KIAA1328: variants seen among roughly 807,000 people sequenced by gnomAD.
The protein encoded by KIAA1328 is protein hinderin.
A neutral mutation model predicts 68.1 loss-of-function variants in KIAA1328; 52 were observed. The ratio of observed to expected loss-of-function variants is 0.76; its 90% CI spans 0.61 to 0.96. The LOEUF (loss-of-function observed/expected upper bound fraction) is 0.96, where lower values mean the gene tolerates loss of function less well. Ranked by LOEUF, KIAA1328 falls within the 40% of genes least tolerant of loss-of-function variation. The pLI is 0.00. For missense variants in KIAA1328, 641 were observed against 677.6 expected (o/e 0.95, Z 0.60); for synonymous variants, 232 against 239.4 (o/e 0.97, Z 0.28).
At chr18:37,166,258 T>G (rs1319014298) in intron 8 of KIAA1328, among the ~76,000 whole-genome samples, 2 of 152,156 alleles carry the variant, frequency 1.3e-5, no homozygotes, top group African/African-American at 4.8e-5. Flanking sequence ...AAACCAATTC[T>G]TAGCCAGGAG....
chr18:37,060,169 TAATA>T (rs2056092504), intron 6 of KIAA1328, among the ~76,000 whole-genome samples: 1 of 152,146 alleles, frequency 6.6e-6, no homozygotes, highest in Admixed American at 6.5e-5. Flanking sequence ...ATAATAATAA[TAATA>T]AATAGCCTAT....
At chr18:36,858,945 A>AT (rs1353279635) in intron 4 of KIAA1328, among the ~76,000 whole-genome samples, 2 of 152,170 alleles carry the variant, frequency 1.3e-5, no homozygotes, top group Admixed American at 1.3e-4. Flanking sequence ...AATAGATTTA[A>AT]TTTTTTATAT....
intron 2 of KIAA1328, among the ~76,000 whole-genome samples, chr18:36,835,020 TA>T (rs1267617011): frequency 1.3e-5 from 2 of 152,086 alleles, no homozygotes; most frequent in South Asian, 4.1e-4. Context: ...AAAATAAATA[TA>T]AAAACAAATT....
intron 7 of KIAA1328, among the ~76,000 whole-genome samples, chr18:37,101,447 C>T (rs916917791): frequency 5.9e-5 from 9 of 151,952 alleles, no homozygotes; most frequent in East Asian, 1.9e-4. Context: ...TGAAATGAAG[C>T]GAGAAGAGAA....
At chr18:36,944,186 C>T (rs974865523) in intron 5 of KIAA1328, among the ~76,000 whole-genome samples, 1 of 152,164 alleles carries the variant, frequency 6.6e-6, no homozygotes, top group Non-Finnish European at 1.5e-5. Flanking sequence ...AATGGGACTG[C>T]TGTAGAACCT....
In KIAA1328 at chr18:37,156,362, G is replaced by T. The variant is rs148819749; in HGVS notation, c.1233-3838G>T. On this transcript the variant is annotated intron_variant, in intron 7 of 9. Transcript: ENST00000280020. Reference sequence around the variant, plus strand: ...AACCGCTTGAACCCGGGAGGCAGAGGTTGTGGTGAGCCGAGATTGTGCCAT... The same window carrying T: ...AACCGCTTGAACCCGGGAGGCAGAGTTTGTGGTGAGCCGAGATTGTGCCAT... 3.5e-3 allele frequency among the ~76,000 whole-genome samples: 519 copies of T among 147,984 alleles called. 3 individuals are homozygous for T. The highest frequency in any genetic ancestry group is 0.012 in the African/African-American group (487 of 40,180).
At chr18:37,229,050 G>A (rs2060653229), downstream of KIAA1328, among the ~76,000 whole-genome samples, 1 of 152,160 alleles carries the variant, frequency 6.6e-6, no homozygotes, top group African/African-American at 2.4e-5. Flanking sequence ...ATGCTTTATA[G>A]TGGCGATCTG....
chr18:36,876,471 T>G (rs1284486980), intron 4 of KIAA1328, among the ~76,000 whole-genome samples: 1 of 152,224 alleles, frequency 6.6e-6, no homozygotes, highest in East Asian at 1.9e-4. Context: ...TAGAGGTGTT[T>G]ATAGTATTCT....
At chr18:36,987,643 G>A (rs950380613) in intron 6 of KIAA1328, among the ~76,000 whole-genome samples, 2 of 152,050 alleles carry the variant, frequency 1.3e-5, no homozygotes, top group Non-Finnish European at 2.9e-5. Flanking sequence ...ACAGATTCAG[G>A]AATAGTGGAG....
chr18:37,101,634 A>G (rs886779728), intron 7 of KIAA1328, among the ~76,000 whole-genome samples: 3 of 152,236 alleles, frequency 2.0e-5, no homozygotes, highest in Non-Finnish European at 4.4e-5. Flanking sequence ...CTAGCAAGGC[A>G]GGCCAACATT....
chr18:37,152,629 T>C (rs1046446829), intron 7 of KIAA1328, among the ~76,000 whole-genome samples: 6 of 152,266 alleles, frequency 3.9e-5, no homozygotes, highest in East Asian at 1.9e-4. Flanking sequence ...CAGTGGCGCG[T>C]TGGCAGAAGC....
intron 6 of KIAA1328, among the ~76,000 whole-genome samples, chr18:37,043,125 A>G (rs1301594521): frequency 6.6e-6 from 1 of 152,082 alleles, no homozygotes; most frequent in East Asian, 1.9e-4. Context: ...GAGATTGTCT[A>G]TTTGTTGCCA....
At chr18:36,915,041 C>A (rs1406784446) in intron 5 of KIAA1328, among the ~76,000 whole-genome samples, 1 of 152,132 alleles carries the variant, frequency 6.6e-6, no homozygotes, top group East Asian at 1.9e-4. Flanking sequence ...CAAGATGATT[C>A]TAAAATCTTT....
At chr18:37,142,189 T>A (rs2058779804) in intron 7 of KIAA1328, among the ~76,000 whole-genome samples, 1 of 151,540 alleles carries the variant, frequency 6.6e-6, no homozygotes, top group East Asian at 1.9e-4. Flanking sequence ...ATTCTTTTTC[T>A]TTTTTGTTTT....
chr18:37,173,592 A>G lies in KIAA1328; in HGVS notation c.1523+511A>G, dbSNP rs371915211. On this transcript the variant is annotated intron_variant, in intron 9 of 9. Coordinates refer to ENST00000280020, the MANE Select transcript of KIAA1328 (RefSeq NM_020776.3). Reference sequence around the variant, plus strand: ...AATGAACCAACTCCCACATTATGCAATTAAGGCTGAATATGTAAACGTCAG... The same window carrying G: ...AATGAACCAACTCCCACATTATGCAGTTAAGGCTGAATATGTAAACGTCAG... Among the ~76,000 whole-genome samples the G allele has an allele frequency of 2.0e-5, 3 of 152,300 alleles. No homozygotes were observed. In the East Asian group the frequency reaches 5.8e-4, roughly 29 times the overall value.
At chr18:36,920,082 T>C (rs1421911819) in intron 5 of KIAA1328, among the ~76,000 whole-genome samples, 4 of 152,184 alleles carry the variant, frequency 2.6e-5, no homozygotes, top group Non-Finnish European at 4.4e-5. Context: ...TCAATTTTTG[T>C]TTTTGTTGCA....
Position 37,079,884 on chromosome 18 carries a change from C to CAA in KIAA1328, c.1232+12355_1232+12356dup, listed in dbSNP as rs200381832. 2.7e-3 allele frequency among the ~76,000 whole-genome samples: 258 copies of CAA among 95,150 alleles called. 1 individual carries two copies. The highest frequency in any genetic ancestry group is 0.01 in the South Asian group (27 of 2,684). 62.4% of individuals were successfully genotyped at this position (95,150 alleles called of 152,430 possible). A position where few individuals can be genotyped will look rare whatever the true frequency, so the allele number is the denominator to read the frequency against. ...CCTCGGTGACAGAGCAAGGCTGTCT[C>CAA]AAAAAAAAAAAAAAAAACAGTTCAA... On this transcript the variant is annotated intron_variant, in intron 7 of 9. Coordinates refer to ENST00000280020, the MANE Select transcript of KIAA1328 (RefSeq NM_020776.3).
rs114755074 is a variant in KIAA1328 at position 37,157,489 on chromosome 18, C to T, written c.1233-2711C>T. Among the ~76,000 whole-genome samples, 983 of 151,986 alleles carry T rather than the reference C, an allele frequency of 6.5e-3. 14 individuals are homozygous for T. The highest frequency in any genetic ancestry group is 0.022 in the African/African-American group (912 of 41,458). ...AATTGCTTTTATTTTAATAGCATGT[C>T]ATGAAGTTTCTTCTCATCAGTGTAA... On this transcript the variant is annotated intron_variant, in intron 7 of 9. Coordinates refer to ENST00000280020, the MANE Select transcript of KIAA1328 (RefSeq NM_020776.3).
chr18:36,932,685 T>C (rs2050354706), intron 5 of KIAA1328, among the ~76,000 whole-genome samples: 1 of 152,226 alleles, frequency 6.6e-6, no homozygotes, highest in African/African-American at 2.4e-5. Context: ...TTCAGTCATA[T>C]AAGAAGTCTC....
Sources: gnomAD v4.1 joint callset for allele counts (sites outside exome capture counted in the v4.1 genomes callset) on GRCh38, gnomAD v4.1.1 for gene constraint, MANE v1.5 for transcripts, NCBI Gene and HGNC (gene_info 2026-07-23, HGNC 2026-07-21) for gene names.